The following MVB12B variants were observed in gnomAD, a reference collection of about 807,000 sequenced individuals.
MVB12B encodes ESCRT-I complex subunit MVB12B.
In MVB12B, 16 loss-of-function variants were observed where a neutral mutation model predicts 41.6. That is an observed-to-expected ratio of 0.38 (90% CI 0.26 to 0.58). The LOEUF (loss-of-function observed/expected upper bound fraction) is 0.58. Among genes scored for constraint, MVB12B ranks in the 20% least tolerant of loss-of-function variants. The probability of loss-of-function intolerance (pLI) is 0.62; values close to 1 mark genes in which losing one functional copy is unlikely to be tolerated. For missense variants in MVB12B, 274 were observed against 380.2 expected (o/e 0.72, Z 2.32); for synonymous variants, 133 against 139.7 (o/e 0.95, Z 0.34).
chr9:126,420,484 A>G (rs529989375), intron 6 of MVB12B, among the ~76,000 whole-genome samples: 9 of 150,070 alleles, frequency 6.0e-5, no homozygotes, highest in African/African-American at 2.2e-4. Context: ...TTGCCCCTGG[A>G]AGGCTCCTTC....
intron 2 of MVB12B, among the ~76,000 whole-genome samples, chr9:126,354,098 T>A (rs920032567): frequency 6.6e-6 from 1 of 152,228 alleles, no homozygotes; most frequent in African/African-American, 2.4e-5. Context: ...AGGCTGAGCA[T>A]CTTTTCATGT....
In MVB12B at chr9:126,503,294, C is replaced by A. The variant is rs78799421; in HGVS notation, c.*31C>A. 3 of 1,530,970 alleles carry A rather than the reference C, an allele frequency of 2.0e-6. No individual in the cohort carries two copies. Among genetic ancestry groups the A allele is most frequent in the East Asian group, 2.5e-5 (1 of 40,770 alleles). 94.8% of individuals were successfully genotyped at this position (1,530,970 alleles called of 1,614,324 possible). On this transcript the variant is annotated 3_prime_UTR_variant, in exon 10 of 10. Coordinates refer to ENST00000361171, the MANE Select transcript of MVB12B (RefSeq NM_033446.3). ...CAGCGGCCACCTGCGGGGAGACCAC[C>A]GCCGCCCAGACTACTGACGGCAGGG...
rs534259217 is a variant in MVB12B at position 126,376,586 on chromosome 9, A to G, written c.205-4478A>G. On this transcript the variant is annotated intron_variant, in intron 2 of 9. Transcript: ENST00000361171. This position sits in a 1 kb window ranked among gnomAD's most constrained non-coding sequence, Gnocchi z 4.1. ...GGCGCTTTCCAGAGACAAAGCCCTC[A>G]GTGTCCAGTGTTCAGGGGAGGCGGC... The G allele has an allele frequency of 3.1e-6, 4 of 1,289,402 alleles. No individual in the cohort carries two copies. The highest frequency in any genetic ancestry group is 3.0e-5 in the African/African-American group (2 of 65,978). The allele number at this position is 1,289,402 out of a possible 1,614,324, so 79.9% of individuals were successfully genotyped here. A position where few individuals can be genotyped will look rare whatever the true frequency, so the allele number is the denominator to read the frequency against.
At chr9:126,430,920 T>A (rs1054090065) in intron 7 of MVB12B, among the ~76,000 whole-genome samples, 2 of 152,260 alleles carry the variant, frequency 1.3e-5, no homozygotes, top group African/African-American at 4.8e-5. Context: ...AATGCCCGTT[T>A]CCTTCCTGGA....
intron 9 of MVB12B, among the ~76,000 whole-genome samples, chr9:126,488,691 C>CT (rs1357442783): frequency 6.6e-6 from 1 of 152,192 alleles, no homozygotes; most frequent in Non-Finnish European, 1.5e-5. Flanking sequence ...CCGTCTTCAT[C>CT]TACTGAAGAG....
chr9:126,471,407 G>A (rs983833788), intron 7 of MVB12B, among the ~76,000 whole-genome samples: 7 of 152,202 alleles, frequency 4.6e-5, no homozygotes, highest in East Asian at 3.9e-4. Flanking sequence ...CCTCTCACGC[G>A]GGGGACTCGG....
At chr9:126,432,225 C>G (rs969761568) in intron 7 of MVB12B, among the ~76,000 whole-genome samples, 2 of 152,214 alleles carry the variant, frequency 1.3e-5, no homozygotes, top group Non-Finnish European at 1.5e-5. Context: ...TGATAATTCC[C>G]TTCCTTAGAG....
chr9:126,414,667 C>T (rs1328949702), intron 6 of MVB12B, among the ~76,000 whole-genome samples: 2 of 152,068 alleles, frequency 1.3e-5, no homozygotes, highest in Non-Finnish European at 2.9e-5. Flanking sequence ...GAGTCTCCTT[C>T]TCCTCAGTCT....
At chr9:126,418,821 CTCCAGGAAGCCT>C (rs1831906158) in intron 6 of MVB12B, among the ~76,000 whole-genome samples, 1 of 152,186 alleles carries the variant, frequency 6.6e-6, no homozygotes, top group African/African-American at 2.4e-5. Flanking sequence ...ATGTACCTTC[CTCCAGGAAGCCT>C]TCCAGGGAGC....
chr9:126,451,898 G>C (rs976531618), intron 7 of MVB12B, among the ~76,000 whole-genome samples: 1 of 152,196 alleles, frequency 6.6e-6, no homozygotes, highest in Non-Finnish European at 1.5e-5. Context: ...GCTGTTTGCC[G>C]AGTCTCTGTG....
At chr9:126,435,775 G>A (rs1239838182) in intron 7 of MVB12B, among the ~76,000 whole-genome samples, 1 of 152,070 alleles carries the variant, frequency 6.6e-6, no homozygotes, top group African/African-American at 2.4e-5. Context: ...GGCACCCAGA[G>A]GCTCGAAGGC....
At chr9:126,422,960 G>T (rs1832068431) in intron 7 of MVB12B, among the ~76,000 whole-genome samples, 1 of 152,116 alleles carries the variant, frequency 6.6e-6, no homozygotes, top group Admixed American at 6.5e-5. Context: ...CCCATCCCTG[G>T]CTCCACTGCA....
rs532031276 is a variant in MVB12B at position 126,412,584 on chromosome 9, A to G, written c.663-9270A>G. Among the ~76,000 whole-genome samples the G allele has an allele frequency of 3.9e-5, 6 of 152,318 alleles. No individual in the cohort carries two copies. In the South Asian group the frequency reaches 8.3e-4, roughly 21 times the overall value. On this transcript the variant is annotated intron_variant, in intron 6 of 9. Transcript: ENST00000361171. ...GAGAAGTGTTCCCCTAGTTTTTGCC[A>G]TCTTTTTTTCTGATTAAAAGAAATA...
intron 7 of MVB12B, among the ~76,000 whole-genome samples, chr9:126,440,094 G>C (rs1031596079): frequency 1.3e-5 from 2 of 152,206 alleles, no homozygotes; most frequent in African/African-American, 4.8e-5. Flanking sequence ...GGTTTGGACA[G>C]ATGCCTGAGG....
At chr9:126,463,330 A>C (rs1833132000) in intron 7 of MVB12B, among the ~76,000 whole-genome samples, 1 of 152,304 alleles carries the variant, frequency 6.6e-6, no homozygotes, top group Admixed American at 6.5e-5. Flanking sequence ...ACGAGTAGCT[A>C]TGTGAGGGGT....
chr9:126,455,964 C>T (rs190006647), intron 7 of MVB12B, among the ~76,000 whole-genome samples: 59 of 140,176 alleles, frequency 4.2e-4, no homozygotes, highest in African/African-American at 1.6e-3. Context: ...GATATCGGCT[C>T]ACTGCAAACT....
chr9:126,455,274 G>A (rs576691926), intron 7 of MVB12B, among the ~76,000 whole-genome samples: 2 of 151,204 alleles, frequency 1.3e-5, no homozygotes, highest in South Asian at 2.1e-4. Context: ...TGCCACCTCC[G>A]CCTCCCGGGT....
At chr9:126,497,314 T>C (rs1833857935) in intron 9 of MVB12B, among the ~76,000 whole-genome samples, 1 of 152,132 alleles carries the variant, frequency 6.6e-6, no homozygotes, top group Non-Finnish European at 1.5e-5. Context: ...TTAGAGCTCA[T>C]GAACCATCTG....
Position 126,448,646 on chromosome 9 carries a change from G to A in MVB12B, c.757+26698G>A, listed in dbSNP as rs1368500315. On this transcript the variant is annotated intron_variant, in intron 7 of 9. Transcript: ENST00000361171. ...TTCCAATCATGGTGGAAGGCAAAGG[G>A]GAAGCCGATGTATCACATGGCAAGA... Among the ~76,000 whole-genome samples the A allele has an allele frequency of 4.6e-5, 7 of 152,134 alleles. No individual in the cohort carries two copies. The East Asian group carries it at 1.4e-3, about 29-fold the overall frequency.
Sources: allele counts gnomAD v4.1 joint callset (sites outside exome capture counted in the v4.1 genomes callset), GRCh38; gene constraint gnomAD v4.1.1; non-coding constraint Gnocchi (gnomAD v3.1); transcripts MANE v1.5; gene names NCBI Gene and HGNC (gene_info 2026-07-23, HGNC 2026-07-21).